The following SLIT3 variants were observed in gnomAD, a reference collection of about 807,000 sequenced individuals.
The protein encoded by SLIT3 is slit guidance ligand 3, also known as slit homolog 3 protein.
SLIT3 carries 68 observed loss-of-function variants against 184.0 expected under a neutral mutation model. The observed-to-expected ratio is 0.37, with a 90% CI of 0.30 to 0.45. The LOEUF is 0.45. Among genes scored for constraint, SLIT3 ranks in the 20% least tolerant of loss-of-function variants. SLIT3 has a pLI of 1.00. For synonymous variants in SLIT3, 831 were observed against 828.6 expected, an observed-to-expected ratio of 1.00 and a Z score of -0.05; for missense variants, 1,707 against 2,026.0, an observed-to-expected ratio of 0.84 and a Z score of 3.02.
At chr5:168,882,633 T>G (rs1485984258) in intron 5 of SLIT3, among the ~76,000 whole-genome samples, 1 of 152,138 alleles carries the variant, frequency 6.6e-6, no homozygotes, top group Non-Finnish European at 1.5e-5. Context: ...ATGCTACCAT[T>G]GGAGGAAACT....
intron 1 of SLIT3, among the ~76,000 whole-genome samples, chr5:169,251,773 T>C (rs755697788): frequency 1.3e-5 from 2 of 152,180 alleles, no homozygotes; most frequent in Non-Finnish European, 2.9e-5. Flanking sequence ...GGCTGACCCC[T>C]CTTTCCAGCT....
At chr5:169,257,701 T>C (rs576546080) in intron 1 of SLIT3, among the ~76,000 whole-genome samples, 1 of 151,878 alleles carries the variant, frequency 6.6e-6, no homozygotes, top group East Asian at 2.0e-4. Flanking sequence ...TACAGGTGCC[T>C]GCCACCACGC....
At chr5:168,916,222 T>A (rs911185497) in intron 4 of SLIT3, among the ~76,000 whole-genome samples, 4 of 152,196 alleles carry the variant, frequency 2.6e-5, no homozygotes, top group Admixed American at 2.6e-4. Context: ...TCTTTTTAGA[T>A]GGAAAATGTT....
At chr5:168,825,266 C>G (rs1398700455) in intron 6 of SLIT3, among the ~76,000 whole-genome samples, 5 of 152,108 alleles carry the variant, frequency 3.3e-5, no homozygotes, top group East Asian at 1.9e-4. Flanking sequence ...ACTCAGCATA[C>G]AGTGCCCCCC....
At chr5:168,935,182 T>C (rs1351950638) in intron 4 of SLIT3, among the ~76,000 whole-genome samples, 11 of 148,004 alleles carry the variant, frequency 7.4e-5, no homozygotes, top group African/African-American at 2.7e-4. Flanking sequence ...AAAAGAATAA[T>C]AACCCTATTA....
At chr5:168,685,961 G>A in intron 30 of SLIT3, 34 bp from the exon 31 acceptor site, 1 of 1,579,064 alleles carries the variant, frequency 6.3e-7, no homozygotes, top group South Asian at 1.2e-5. Flanking sequence ...AGGGAGATAG[G>A]AGAATGGCCA....
rs75752531 is a variant in SLIT3, at chr5:168,969,328, G to A, written c.414-85992C>T. Among the ~76,000 whole-genome samples, 18 of 152,278 alleles carry A rather than the reference G, an allele frequency of 1.2e-4. No homozygotes were observed. The East Asian group carries it at 2.9e-3, about 24-fold the overall frequency. On this transcript the variant is annotated intron_variant, in intron 4 of 35. Coordinates refer to ENST00000519560, the MANE Select transcript of SLIT3 (RefSeq NM_003062.4). ...GTTGTGATGAATAAATTATGCAGAG[G>A]TTTTTGGCTTTAATTTTCTCCTCAG...
At chr5:169,105,915 C>T (rs2113243387) in intron 4 of SLIT3, among the ~76,000 whole-genome samples, 1 of 152,190 alleles carries the variant, frequency 6.6e-6, no homozygotes, top group Admixed American at 6.5e-5. Context: ...CTGCAGTGAA[C>T]ATACATGTGC....
rs866483692 is a variant in SLIT3, at chr5:169,295,610, C to T, written c.197+4903G>A. On this transcript the variant is annotated intron_variant, in intron 1 of 35. Transcript: ENST00000519560. ...ATTCAAACCCACAGTCGTCTGTCTC[C>T]GGAGCGCCTGCCCTAACCACGATGC... Among the ~76,000 whole-genome samples, 13 of 152,354 alleles carry T rather than the reference C, an allele frequency of 8.5e-5. No homozygotes were observed. In the East Asian group the frequency reaches 1.9e-3, roughly 23 times the overall value.
At chr5:169,222,445 G>C (rs1764644981) in intron 3 of SLIT3, among the ~76,000 whole-genome samples, 2 of 152,098 alleles carry the variant, frequency 1.3e-5, no homozygotes, top group African/African-American at 4.8e-5. Context: ...CGTACACACA[G>C]TACATGCTCA....
At chr5:168,847,788 G>A (rs975338428) in intron 5 of SLIT3, among the ~76,000 whole-genome samples, 3 of 152,086 alleles carry the variant, frequency 2.0e-5, no homozygotes, top group Non-Finnish European at 4.4e-5. Flanking sequence ...CAAAACATTC[G>A]ATTTAGCAGT....
At chr5:168,949,360 G>GAA (rs1336805990) in intron 4 of SLIT3, among the ~76,000 whole-genome samples, 3 of 152,166 alleles carry the variant, frequency 2.0e-5, no homozygotes, top group Admixed American at 6.5e-5. Flanking sequence ...GGGGCTCCAT[G>GAA]AAGTTCATAT....
chr5:168,745,861 G>A lies in SLIT3; in HGVS notation c.2270+2441C>T, dbSNP rs556241328. ...TAAGAAATTGCCATAGCCACCCAAT[G>A]TTGGCCACCACCACCCTGATCAGAT... On this transcript the variant is annotated intron_variant, in intron 20 of 35. Coordinates refer to ENST00000519560, the MANE Select transcript of SLIT3 (RefSeq NM_003062.4). Among the ~76,000 whole-genome samples, 22 of 152,194 alleles carry A rather than the reference G, an allele frequency of 1.4e-4. No individual in the cohort carries two copies. The South Asian group carries it at 4.4e-3, about 30-fold the overall frequency.
intron 4 of SLIT3, among the ~76,000 whole-genome samples, chr5:168,969,279 A>G (rs1485502544): frequency 6.6e-6 from 1 of 152,192 alleles, no homozygotes; most frequent in Non-Finnish European, 1.5e-5. Context: ...ACCTGAATGC[A>G]GACAAGCAGG....
rs1056742578 is a variant in SLIT3, at chr5:169,300,488, C to A, written c.197+25G>T. ...CGGTGGGACCCAGGTGGGTGGCCCG[C>A]GTGGGGTGGGGCAGGGGTACTCACA... On this transcript the variant is annotated intron_variant, in intron 1 of 35. Coordinates refer to ENST00000519560, the MANE Select transcript of SLIT3 (RefSeq NM_003062.4). This position sits in a 1 kb window ranked among gnomAD's most constrained non-coding sequence, Gnocchi z 4.1. 1.7e-5 allele frequency: 25 copies of A among 1,448,576 alleles called. No individual in the cohort carries two copies. The African/African-American group carries it at 3.2e-4, about 19-fold the overall frequency. The allele number at this position is 1,448,576 out of a possible 1,614,324, so 89.7% of individuals were successfully genotyped here.
At chr5:168,675,249 G>T (rs555089687) in intron 32 of SLIT3, among the ~76,000 whole-genome samples, 2 of 152,228 alleles carry the variant, frequency 1.3e-5, no homozygotes, top group East Asian at 1.9e-4. Flanking sequence ...AATTCTCCCT[G>T]ACAAATCCTT....
At chr5:169,283,885 A>C (rs1209546783) in intron 1 of SLIT3, among the ~76,000 whole-genome samples, 1 of 152,200 alleles carries the variant, frequency 6.6e-6, no homozygotes, top group Non-Finnish European at 1.5e-5. Flanking sequence ...ACTCTTAAAA[A>C]ACAGAAAAGG....
At chr5:169,027,216 G>A (rs1474651578) in intron 4 of SLIT3, among the ~76,000 whole-genome samples, 2 of 152,178 alleles carry the variant, frequency 1.3e-5, no homozygotes, top group South Asian at 4.1e-4. Flanking sequence ...GCACAGTGCT[G>A]CACAGGCTAC....
intron 3 of SLIT3, among the ~76,000 whole-genome samples, chr5:169,233,563 C>A (rs1316828246): frequency 2.0e-5 from 3 of 152,146 alleles, no homozygotes; most frequent in Admixed American, 6.5e-5. Flanking sequence ...ACACAATTTA[C>A]AATCTAATGT....
Sources: allele counts gnomAD v4.1 joint callset (sites outside exome capture counted in the v4.1 genomes callset), GRCh38; gene constraint gnomAD v4.1.1; non-coding constraint Gnocchi (gnomAD v3.1); transcripts MANE v1.5; gene names NCBI Gene and HGNC (gene_info 2026-07-23, HGNC 2026-07-21).